Variants in ACACA observed in about 807,000 individuals in gnomAD.
The protein encoded by ACACA is acetyl-CoA carboxylase 1.
Under a neutral mutation model 296.1 loss-of-function variants are expected in ACACA, and 103 were observed. The ratio of observed to expected loss-of-function variants is 0.35; its 90% CI spans 0.30 to 0.41. The LOEUF is 0.41. Among genes scored for constraint, ACACA ranks in the 10% least tolerant of loss-of-function variants. The probability of loss-of-function intolerance (pLI) is 1.00; values close to 1 mark genes in which losing one functional copy is unlikely to be tolerated. For synonymous variants in ACACA, 953 were observed against 1,038.6 expected (o/e 0.92, Z 1.58); for missense variants, 1,554 against 2,989.7 (o/e 0.52, Z 11.20).
intron 9 of ACACA, among the ~76,000 whole-genome samples, chr17:37,271,658 AAGG>A (rs1208744587): frequency 1.6e-4 from 25 of 152,138 alleles, no homozygotes; most frequent in Admixed American, 5.2e-4. Context: ...AAAAAGACAT[AAGG>A]AGTTCACTTA....
chr17:37,325,276 GA>G (rs2147166387), intron 3 of ACACA, among the ~76,000 whole-genome samples: 1 of 150,546 alleles, frequency 6.6e-6, no homozygotes, highest in Non-Finnish European at 1.5e-5. Context: ...TAAGGGAGGA[GA>G]ATTGCTTGAA....
intron 1 of ACACA, among the ~76,000 whole-genome samples, chr17:37,362,848 G>C (rs1051964503): frequency 1.3e-5 from 2 of 151,882 alleles, no homozygotes; most frequent in African/African-American, 4.8e-5. Context: ...GGTGGCGGGC[G>C]CCTGTAGTCC....
intron 3 of ACACA, among the ~76,000 whole-genome samples, chr17:37,325,046 C>T (rs1325338878): frequency 6.9e-6 from 1 of 144,262 alleles, no homozygotes; most frequent in Non-Finnish European, 1.5e-5. Context: ...GCTAAAAATA[C>T]AAAAATTAGC....
chr17:37,269,493 A>C (rs1175724788), intron 10 of ACACA, among the ~76,000 whole-genome samples: 1 of 152,210 alleles, frequency 6.6e-6, no homozygotes, highest in Non-Finnish European at 1.5e-5. Context: ...CACAAAGCCT[A>C]TATTATAATA....
At chr17:37,401,108 T>C (rs938699224) in intron 1 of ACACA, among the ~76,000 whole-genome samples, 3 of 152,208 alleles carry the variant, frequency 2.0e-5, no homozygotes, top group Non-Finnish European at 4.4e-5. Context: ...CATGGTAGTT[T>C]TAATTCACAT....
At chr17:37,253,583 A>C (rs2081093836) in intron 14 of ACACA, among the ~76,000 whole-genome samples, 1 of 152,192 alleles carries the variant, frequency 6.6e-6, no homozygotes, top group African/African-American at 2.4e-5. Context: ...TATTACCATA[A>C]GAGCATCAGC....
At position 37,113,532 on chromosome 17, in the gene ACACA, CCT is replaced by C. The variant is rs199903265; in HGVS notation, c.6275-269_6275-268del. Among the ~76,000 whole-genome samples the C allele has an allele frequency of 6.6e-6, 1 of 152,162 alleles. No individual in the cohort carries two copies. Among genetic ancestry groups the C allele is most frequent in the African/African-American group, 2.4e-5 (1 of 41,430 alleles). ...TCCAGATTGCCTTTCCATTTTATAT[CCT>C]CTCTGAATTTCTGTACTCACGTTTC... On this transcript the variant is annotated intron_variant, in intron 50 of 55. Coordinates refer to ENST00000616317, the MANE Select transcript of ACACA (RefSeq NM_198834.3). The surrounding 1 kb of genome is among the most constrained non-coding windows in gnomAD (Gnocchi z 4.0).
At chr17:37,134,482 T>G (rs966463566) in intron 45 of ACACA, among the ~76,000 whole-genome samples, 5 of 152,198 alleles carry the variant, frequency 3.3e-5, no homozygotes, top group African/African-American at 1.2e-4. Context: ...TTAGCTCAAT[T>G]TTTTAAAAAT....
intron 14 of ACACA, among the ~76,000 whole-genome samples, chr17:37,256,462 C>CAAGGCTGGGTGCAG (rs1308851274): frequency 2.0e-5 from 3 of 152,132 alleles, no homozygotes; most frequent in African/African-American, 7.2e-5. Flanking sequence ...ACTAATTAAT[C>CAAGGCTGGGTGCAG]AAGGCTGGGT....
At position 37,240,460 on chromosome 17, in the gene ACACA, T is replaced by G; in HGVS notation, c.3121+16A>C. ...CAAGGCTTTCTTAGCTAGAGAGTCC[T>G]CAGGAAGAGGCTTACCATTCTGGAA... On this transcript the variant is annotated intron_variant, in intron 24 of 55. Coordinates refer to ENST00000616317, the MANE Select transcript of ACACA (RefSeq NM_198834.3). The G allele has an allele frequency of 6.2e-7, 1 of 1,611,888 alleles. No homozygotes were observed. The highest frequency in any genetic ancestry group is 8.5e-7 in the Non-Finnish European group (1 of 1,178,978).
chr17:37,253,664 T>G (rs116864033), intron 14 of ACACA, among the ~76,000 whole-genome samples: 101 of 152,330 alleles, frequency 6.6e-4, no homozygotes, highest in Non-Finnish European at 1.0e-3. Context: ...CACCCTCAGC[T>G]TTTACTTACT....
intron 33 of ACACA, 40 bp from the exon 34 acceptor site, chr17:37,200,523 T>G: frequency 6.5e-7 from 1 of 1,527,852 alleles, no homozygotes; most frequent in Non-Finnish European, 9.1e-7. Flanking sequence ...TAGATGAGAT[T>G]TCCATTCATT....
intron 29 of ACACA, among the ~76,000 whole-genome samples, chr17:37,218,081 G>A (rs1306682331): frequency 6.9e-6 from 1 of 145,538 alleles, no homozygotes; most frequent in Non-Finnish European, 1.5e-5. Context: ...AATAATTCCT[G>A]TAACTACTAA....
At chr17:37,212,307 C>T (rs1384591104) in intron 29 of ACACA, among the ~76,000 whole-genome samples, 1 of 152,140 alleles carries the variant, frequency 6.6e-6, no homozygotes, top group Non-Finnish European at 1.5e-5. Flanking sequence ...TAGAAAAAGG[C>T]CCGAACTGAA....
intron 3 of ACACA, among the ~76,000 whole-genome samples, chr17:37,297,493 G>A (rs1159970519): frequency 4.1e-5 from 6 of 147,706 alleles, no homozygotes; most frequent in South Asian, 2.1e-4. Flanking sequence ...ACATATATAT[G>A]TATATATGTG....
intron 1 of ACACA, among the ~76,000 whole-genome samples, chr17:37,398,278 T>C (rs1416507103): frequency 2.4e-5 from 3 of 125,454 alleles, no homozygotes; most frequent in Non-Finnish European, 3.3e-5. Context: ...TGTTGTGGTA[T>C]CACTTTTTTT....
At chr17:37,322,597 G>A (rs1038035236) in intron 3 of ACACA, among the ~76,000 whole-genome samples, 1 of 152,088 alleles carries the variant, frequency 6.6e-6, no homozygotes, top group Non-Finnish European at 1.5e-5. Context: ...ACTCTGGCCT[G>A]CAACACCCCC....
chr17:37,390,330 A>C (rs12951343), intron 1 of ACACA, among the ~76,000 whole-genome samples: 3,138 of 40,518 alleles, frequency 0.077, 411 homozygotes, highest in African/African-American at 0.18. Context: ...ATATATATAT[A>C]TATAAAAGGC....
chr17:37,223,290 A>G (rs1266745773), intron 28 of ACACA, among the ~76,000 whole-genome samples: 2 of 152,182 alleles, frequency 1.3e-5, no homozygotes, highest in East Asian at 3.9e-4. Flanking sequence ...GCTGGCAGCT[A>G]TTTTCCTGTG....
Sources: gnomAD v4.1 joint callset for allele counts (sites outside exome capture counted in the v4.1 genomes callset) on GRCh38, gnomAD v4.1.1 for gene constraint, Gnocchi (gnomAD v3.1) non-coding constraint, MANE v1.5 for transcripts, NCBI Gene and HGNC (gene_info 2026-07-23, HGNC 2026-07-21) for gene names.